NAA25: variants seen among roughly 807,000 people sequenced by gnomAD.
NAA25 encodes N-alpha-acetyltransferase 25, NatB auxiliary subunit.
In NAA25, 30 loss-of-function variants were observed where a neutral mutation model predicts 132.5. That is an observed-to-expected ratio of 0.23 (90% CI 0.17 to 0.31). NAA25 has a LOEUF of 0.31. Among genes scored for constraint, NAA25 ranks in the 10% least tolerant of loss-of-function variants. NAA25 has a pLI of 1.00. For missense variants in NAA25, 771 were observed against 1,150.4 expected, an observed-to-expected ratio of 0.67 and a Z score of 4.77; for synonymous variants, 359 against 401.9, an observed-to-expected ratio of 0.89 and a Z score of 1.28.
chr12:112,067,864 T>A (rs1593791015), intron 11 of NAA25, among the ~76,000 whole-genome samples: 1 of 152,042 alleles, frequency 6.6e-6, no homozygotes, highest in South Asian at 2.1e-4. Flanking sequence ...GCCTCCCAAG[T>A]AGCTGGGTCT....
At chr12:112,102,733 C>CTGGA (rs2079312020) in intron 1 of NAA25, among the ~76,000 whole-genome samples, 1 of 149,722 alleles carries the variant, frequency 6.7e-6, no homozygotes, top group Non-Finnish European at 1.5e-5. Flanking sequence ...GGAGCCCAGG[C>CTGGA]TGGAGTGCAA....
intron 1 of NAA25, among the ~76,000 whole-genome samples, chr12:112,108,113 C>G (rs1214559458): frequency 6.6e-6 from 1 of 152,146 alleles, no homozygotes; most frequent in Admixed American, 6.6e-5. Flanking sequence ...CCTCCCCCCG[C>G]CTCCCACGTG....
At chr12:112,071,802 C>A in intron 10 of NAA25, 93 bp downstream of exon 10, 1 of 955,356 alleles carries the variant, frequency 1.0e-6, no homozygotes, top group South Asian at 2.2e-5. Flanking sequence ...GCTTCCCAAA[C>A]ATGACTCTGT....
intron 17 of NAA25, 61 bp from the exon 18 acceptor site, chr12:112,043,929 T>A: frequency 1.2e-5 from 4 of 321,960 alleles, no homozygotes; most frequent in Non-Finnish European, 1.9e-5. Flanking sequence ...TTGCTTTCAA[T>A]TTTTTTTTTT....
At chr12:112,092,151 G>T (rs529917117) in intron 2 of NAA25, among the ~76,000 whole-genome samples, 2 of 151,816 alleles carry the variant, frequency 1.3e-5, no homozygotes, top group Non-Finnish European at 2.9e-5. Context: ...TGAGGCAGGA[G>T]AATTGCTTGA....
intron 3 of NAA25, 101 bp from the exon 4 acceptor site, chr12:112,087,902 TAGA>T: frequency 1.4e-6 from 1 of 732,798 alleles, no homozygotes; most frequent in South Asian, 1.7e-5. Context: ...CCTATCATTA[TAGA>T]AGAAGTATCT....
intron 10 of NAA25, among the ~76,000 whole-genome samples, chr12:112,069,640 G>C (rs1467946523): frequency 6.6e-6 from 1 of 151,618 alleles, no homozygotes; most frequent in Non-Finnish European, 1.5e-5. Context: ...GGCCAACATG[G>C]AGAAACTCGT....
At chr12:112,067,506 C>T (rs183633177) in intron 11 of NAA25, among the ~76,000 whole-genome samples, 22 of 152,022 alleles carry the variant, frequency 1.4e-4, no homozygotes, top group Admixed American at 9.2e-4. Flanking sequence ...GTCGGGAGTT[C>T]GAGACCAGCC....
chr12:112,099,927 C>T (rs2079267978), intron 1 of NAA25, among the ~76,000 whole-genome samples: 1 of 152,178 alleles, frequency 6.6e-6, no homozygotes, highest in African/African-American at 2.4e-5. Flanking sequence ...GATATTGCCA[C>T]AACTTATAAA....
At chr12:112,055,489 G>GT (rs2078531685) in intron 13 of NAA25, among the ~76,000 whole-genome samples, 1 of 152,150 alleles carries the variant, frequency 6.6e-6, no homozygotes, top group Admixed American at 6.6e-5. Flanking sequence ...GAGCCCACAA[G>GT]TTTGAGACCA....
chr12:112,053,788 C>T (rs970184535), intron 14 of NAA25, 131 bp from the exon 15 acceptor site: 41 of 493,352 alleles, frequency 8.3e-5, no homozygotes, highest in African/African-American at 7.6e-4. Context: ...AAACATACTC[C>T]CACAGAAATG....
intron 4 of NAA25, among the ~76,000 whole-genome samples, chr12:112,082,459 A>G (rs1218558929): frequency 6.6e-6 from 1 of 151,558 alleles, no homozygotes; most frequent in Non-Finnish European, 1.5e-5. Context: ...GGTCCCAGCT[A>G]CTGGCAAGAG....
chr12:112,059,628 G>A (rs1175010504), intron 13 of NAA25, among the ~76,000 whole-genome samples: 1 of 152,080 alleles, frequency 6.6e-6, no homozygotes, highest in African/African-American at 2.4e-5. Context: ...GTGAATAAAA[G>A]ATATTCTGTT....
At chr12:112,088,314 G>A (rs969651948) in intron 3 of NAA25, among the ~76,000 whole-genome samples, 3 of 117,282 alleles carry the variant, frequency 2.6e-5, no homozygotes, top group Non-Finnish European at 3.4e-5. Context: ...TAAGTATATT[G>A]TAGTTTTTTT....
At chr12:112,091,200 C>T (rs2079123664) in intron 2 of NAA25, among the ~76,000 whole-genome samples, 1 of 150,960 alleles carries the variant, frequency 6.6e-6, no homozygotes, top group African/African-American at 2.4e-5. Flanking sequence ...AGGTTGATCA[C>T]GTCACAGCAC....
intron 15 of NAA25, among the ~76,000 whole-genome samples, chr12:112,050,531 GAC>G (rs2078449059): frequency 6.9e-6 from 1 of 145,778 alleles, no homozygotes; most frequent in Non-Finnish European, 1.5e-5. Context: ...TTTTTTTTGA[GAC>G]AGAGTCTCAC....
chr12:112,028,674 A>AAT lies in NAA25; in HGVS notation c.*855_*856dup, dbSNP rs1316924967. On this transcript the variant is annotated 3_prime_UTR_variant, in exon 24 of 24. Coordinates refer to ENST00000261745, the MANE Select transcript of NAA25 (RefSeq NM_024953.4). ...TATATATGACTCACAAAACCAATGAAATAAGTATCATACTTGCCTGCATAA... is the reference window on the plus strand; with the variant it reads ...TATATATGACTCACAAAACCAATGAAATATAAGTATCATACTTGCCTGCATAA... The AAT allele has an allele frequency of 6.6e-6, 1 of 152,084 alleles. No homozygotes were observed. Among genetic ancestry groups the AAT allele is most frequent in the Non-Finnish European group, 1.5e-5 (1 of 68,012 alleles). The allele number at this position is 152,084 out of a possible 1,614,324, so 9.4% of individuals were successfully genotyped here.
intron 17 of NAA25, among the ~76,000 whole-genome samples, chr12:112,046,649 A>G (rs571377904): frequency 6.6e-6 from 1 of 152,254 alleles, no homozygotes; most frequent in East Asian, 1.9e-4. Flanking sequence ...TATCACTACA[A>G]CTCCCTATAG....
In NAA25 at chr12:112,061,263, G is replaced by A; in HGVS notation, c.1275C>T (p.Gly425=). 1 of 1,614,122 alleles carries A rather than the reference G, an allele frequency of 6.2e-7. No individual in the cohort carries two copies. The highest frequency in any genetic ancestry group is 8.5e-7 in the Non-Finnish European group (1 of 1,180,032). ...GATTTTTATCCATGGTGTGGTACAAGCCAAGTAACCTCGTCAGCTGCACCA... is the reference window on the plus strand; with the variant it reads ...GATTTTTATCCATGGTGTGGTACAAACCAAGTAACCTCGTCAGCTGCACCA... The part of the protein sequence containing the change: ...LCVVQLTRLL[G]LYHTMDKNQK... The change falls in exon 12 of 24, where the codon GGC becomes GGT. Residue 425 remains glycine (G), a synonymous_variant. Transcript: ENST00000261745.
Sources: gnomAD v4.1 joint callset for allele counts (sites outside exome capture counted in the v4.1 genomes callset) on GRCh38, gnomAD v4.1.1 for gene constraint, MANE v1.5 for transcripts, NCBI Gene and HGNC (gene_info 2026-07-23, HGNC 2026-07-21) for gene names.